LPGAT1: variants seen among roughly 807,000 people sequenced by gnomAD.
LPGAT1 encodes lysophosphatidylglycerol acyltransferase 1.
Under a neutral mutation model 47.5 loss-of-function variants are expected in LPGAT1, and 11 were observed. The ratio of observed to expected loss-of-function variants is 0.23; its 90% CI spans 0.15 to 0.38. LPGAT1 has a LOEUF of 0.38. Ranked by LOEUF, LPGAT1 falls within the 10% of genes least tolerant of loss-of-function variation. The pLI, the probability that LPGAT1 is intolerant of heterozygous loss-of-function variation, is 1.00. For missense variants in LPGAT1, 293 were observed against 439.0 expected (o/e 0.67, Z 2.97); for synonymous variants, 138 against 144.2 (o/e 0.96, Z 0.31).
chr1:211,783,316 T>C lies in LPGAT1; in HGVS notation c.640A>G (p.Arg214Gly). The change falls in exon 5 of 8, where the codon AGG (arginine) becomes GGG (glycine). Residue 214 changes from arginine to glycine, a missense_variant. Transcript: ENST00000366997. ...LPFLTNVTLP[R>G]SGATKIILNA... ...AAAATAATTTTTGTTGCCCCAGACC[T>C]TGGCAGAGTAACATTTGTAAGAAAT... 1 of 1,614,188 alleles carries C rather than the reference T, an allele frequency of 6.2e-7. No homozygotes were observed. The highest frequency in any genetic ancestry group is 8.5e-7 in the Non-Finnish European group (1 of 1,180,020).
chr1:211,749,857 G>T lies in LPGAT1; in HGVS notation c.*42C>A, dbSNP rs1343874614. ...AAATAATGCACACTTATGAAAGAAA[G>T]TCTGAACTCCTACGGTGACCTTGAC... On this transcript the variant is annotated 3_prime_UTR_variant, in exon 8 of 8. Transcript: ENST00000366997. 1.3e-6 allele frequency: 2 copies of T among 1,596,770 alleles called. No homozygotes were observed. The highest frequency in any genetic ancestry group is 1.1e-5 in the South Asian group (1 of 88,022).
At position 211,802,085 on chromosome 1, in the gene LPGAT1, C is replaced by G. The variant is rs543650609; in HGVS notation, c.239-8895G>C. The stretch of plus-strand genomic sequence containing the variant: ...CCTGGGTAACAGAGTGAGACTCTGT[C>G]TCAAAAAAAAAAAAAAAGAGAAAAA... On this transcript the variant is annotated intron_variant, in intron 2 of 7. Coordinates refer to ENST00000366997, the MANE Select transcript of LPGAT1 (RefSeq NM_014873.3). Among the ~76,000 whole-genome samples the G allele has an allele frequency of 5.3e-3, 435 of 81,954 alleles. 1 individual carries two copies. The highest frequency in any genetic ancestry group is 0.018 in the African/African-American group (414 of 23,626). The allele number at this position is 81,954 out of a possible 152,430, so 53.8% of individuals were successfully genotyped here.
rs908728312 is a variant in LPGAT1 at position 211,744,804 on chromosome 1, G to C, written c.*5095C>G. The C allele has an allele frequency of 2.0e-5, 3 of 152,288 alleles. No individual in the cohort carries two copies. In the East Asian group the frequency reaches 5.8e-4, roughly 29 times the overall value. 9.4% of individuals were successfully genotyped at this position (152,288 alleles called of 1,614,324 possible). A position where few individuals can be genotyped will look rare whatever the true frequency, so the allele number is the denominator to read the frequency against. On this transcript the variant is annotated 3_prime_UTR_variant, in exon 8 of 8. Transcript: ENST00000366997. The stretch of plus-strand genomic sequence containing the variant: ...TGGATTGGGAGAATGGGGAGAAAGG[G>C]GGAAATATTTTTAAACCAAAGAAGG...
intron 2 of LPGAT1, among the ~76,000 whole-genome samples, chr1:211,828,419 C>T (rs895142955): frequency 2.0e-5 from 3 of 152,154 alleles, no homozygotes; most frequent in African/African-American, 7.2e-5. Context: ...ACTCTTGCTT[C>T]CCCAAATGCA....
chr1:211,786,285 C>A (rs1658875559), intron 4 of LPGAT1, among the ~76,000 whole-genome samples: 1 of 152,220 alleles, frequency 6.6e-6, no homozygotes, highest in Non-Finnish European at 1.5e-5. Flanking sequence ...CACTTATTTT[C>A]ACAGAACTTA....
At chr1:211,827,406 A>C (rs540293038) in intron 2 of LPGAT1, among the ~76,000 whole-genome samples, 131 of 152,356 alleles carry the variant, frequency 8.6e-4, no homozygotes, top group African/African-American at 2.9e-3. Context: ...AAGCAGCACC[A>C]CTGCACTCCC....
At chr1:211,750,846 C>A in intron 7 of LPGAT1, 115 bp downstream of exon 7, 1 of 713,244 alleles carries the variant, frequency 1.4e-6, no homozygotes, top group Non-Finnish European at 2.4e-6. Context: ...TTCTCACAGG[C>A]AATTTACAGA....
At chr1:211,778,767 C>T (rs1305746641) in intron 6 of LPGAT1, 151 bp downstream of exon 6, 1 of 559,060 alleles carries the variant, frequency 1.8e-6, no homozygotes, top group Non-Finnish European at 2.9e-6. Flanking sequence ...ATACCTACTT[C>T]AAATGATATT....
At chr1:211,787,455 G>A (rs12122929) in intron 4 of LPGAT1, among the ~76,000 whole-genome samples, 177 bp downstream of exon 4, 12,472 of 145,100 alleles carry the variant, frequency 0.086, 635 homozygotes, top group Admixed American at 0.16. Flanking sequence ...GCCAATGCAC[G>A]CTAGCCTGGG....
chr1:211,764,029 G>A (rs1032045981), intron 6 of LPGAT1, among the ~76,000 whole-genome samples: 1 of 152,142 alleles, frequency 6.6e-6, no homozygotes, highest in Non-Finnish European at 1.5e-5. Flanking sequence ...AAAATTAGCT[G>A]AGCGTGATGG....
chr1:211,759,624 T>C (rs2102498943), intron 6 of LPGAT1, among the ~76,000 whole-genome samples: 1 of 152,344 alleles, frequency 6.6e-6, no homozygotes, highest in African/African-American at 2.4e-5. Context: ...TTAGCTTTCT[T>C]ACTTTCTATA....
At chr1:211,769,510 A>G (rs1259562982) in intron 6 of LPGAT1, among the ~76,000 whole-genome samples, 1 of 152,182 alleles carries the variant, frequency 6.6e-6, no homozygotes, top group Non-Finnish European at 1.5e-5. Context: ...GCAAGAATTC[A>G]GGGTGAGTCC....
chr1:211,750,154 C>G, intron 7 of LPGAT1, 104 bp from the exon 8 acceptor site: 1 of 948,474 alleles, frequency 1.1e-6, no homozygotes, highest in Non-Finnish European at 1.6e-6. Context: ...GTTAAAGCAC[C>G]TTCAGTGACT....
intron 2 of LPGAT1, among the ~76,000 whole-genome samples, chr1:211,815,773 CTTTT>C (rs938719098): frequency 1.8e-3 from 186 of 101,816 alleles, no homozygotes; most frequent in Middle Eastern, 9.4e-3. Context: ...AAATGCTTTT[CTTTT>C]TTTTTTTTTT....
At chr1:211,759,731 CAA>C (rs1298851639) in intron 6 of LPGAT1, among the ~76,000 whole-genome samples, 2 of 152,134 alleles carry the variant, frequency 1.3e-5, no homozygotes, top group Non-Finnish European at 2.9e-5. Flanking sequence ...ATTCTGCAAA[CAA>C]TATTTTTGAA....
intron 6 of LPGAT1, among the ~76,000 whole-genome samples, chr1:211,754,014 G>C (rs576819356): frequency 2.0e-5 from 3 of 152,132 alleles, no homozygotes; most frequent in Non-Finnish European, 4.4e-5. Context: ...CTAGCTTTCC[G>C]GTAGCCAGTG....
chr1:211,797,619 AT>A (rs1659402436), intron 2 of LPGAT1, among the ~76,000 whole-genome samples: 1 of 152,158 alleles, frequency 6.6e-6, no homozygotes, highest in African/African-American at 2.4e-5. Flanking sequence ...TGAAAGAGCA[AT>A]TTATTACACA....
Position 211,747,696 on chromosome 1 carries a change from C to A in LPGAT1, c.*2203G>T, listed in dbSNP as rs988208870. On this transcript the variant is annotated 3_prime_UTR_variant, in exon 8 of 8. Transcript: ENST00000366997. ...ATGGTTGACTAATCCCTCAAGTGAA[C>A]AATTTCATTTCATCCAGTAATTTAG... 6 of 152,194 alleles carry A rather than the reference C, an allele frequency of 3.9e-5. No homozygotes were observed. Among genetic ancestry groups the A allele is most frequent in the African/African-American group, 1.2e-4 (5 of 41,440 alleles). 9.4% of individuals were successfully genotyped at this position (152,194 alleles called of 1,614,324 possible).
intron 3 of LPGAT1, among the ~76,000 whole-genome samples, chr1:211,789,991 T>C (rs981124200): frequency 6.6e-6 from 1 of 152,192 alleles, no homozygotes; most frequent in African/African-American, 2.4e-5. Flanking sequence ...GTTTGATAGG[T>C]CTGTCCCTCA....
Sources: allele counts gnomAD v4.1 joint callset (sites outside exome capture counted in the v4.1 genomes callset), GRCh38; gene constraint gnomAD v4.1.1; transcripts MANE v1.5; gene names NCBI Gene and HGNC (gene_info 2026-07-23, HGNC 2026-07-21).